The following DLG2 variants were observed in gnomAD, a reference collection of about 807,000 sequenced individuals.
DLG2 encodes disks large homolog 2.
DLG2 carries 45 observed loss-of-function variants against 132.5 expected under a neutral mutation model. That is an observed-to-expected ratio of 0.34 (90% CI 0.27 to 0.44). The LOEUF (loss-of-function observed/expected upper bound fraction) is 0.44, where lower values mean the gene tolerates loss of function less well. Among genes scored for constraint, DLG2 ranks in the 20% least tolerant of loss-of-function variants. DLG2 has a pLI of 1.00. For synonymous variants in DLG2, 424 were observed against 419.6 expected (o/e 1.01, Z -0.13); for missense variants, 1,045 against 1,196.9 (o/e 0.87, Z 1.87).
intron 25 of DLG2, among the ~76,000 whole-genome samples, chr11:83,468,269 G>A (rs867377480): frequency 7.2e-5 from 11 of 152,148 alleles, no homozygotes; most frequent in African/African-American, 1.4e-4. Flanking sequence ...GGTTCAAGCC[G>A]TTATTACTTA....
chr11:84,335,875 G>C (rs559201840), intron 7 of DLG2, among the ~76,000 whole-genome samples: 19 of 152,066 alleles, frequency 1.2e-4, no homozygotes, highest in African/African-American at 3.4e-4. Flanking sequence ...GGGTAATATC[G>C]ATGATGATTA....
chr11:84,628,865 T>C (rs2099627136), intron 6 of DLG2, among the ~76,000 whole-genome samples: 1 of 152,208 alleles, frequency 6.6e-6, no homozygotes, highest in Admixed American at 6.5e-5. Context: ...TAGTTGGTGA[T>C]CAATAATTGT....
At chr11:83,953,117 T>A (rs1055798696) in intron 14 of DLG2, among the ~76,000 whole-genome samples, 3 of 149,748 alleles carry the variant, frequency 2.0e-5, no homozygotes, top group Non-Finnish European at 4.4e-5. Context: ...CCAAAACTTA[T>A]GAAATTTATA....
At chr11:84,171,532 T>C (rs1330358345) in intron 8 of DLG2, among the ~76,000 whole-genome samples, 1 of 152,210 alleles carries the variant, frequency 6.6e-6, no homozygotes, top group African/African-American at 2.4e-5. Context: ...TCCAGTTTTA[T>C]CCTTACTGCT....
chr11:85,020,434 G>A (rs2059949999), intron 6 of DLG2, among the ~76,000 whole-genome samples: 1 of 152,122 alleles, frequency 6.6e-6, no homozygotes, highest in African/African-American at 2.4e-5. Context: ...TCTAATGGTG[G>A]TTTCTTTTGC....
intron 7 of DLG2, among the ~76,000 whole-genome samples, chr11:84,335,183 AGGAAGGGGAAG>A: frequency 6.8e-6 from 1 of 146,016 alleles, no homozygotes; most frequent in African/African-American, 2.5e-5. Context: ...AAAAAAAGGA[AGGAAGGGGAAG>A]GGAAGGGAAA....
intron 7 of DLG2, among the ~76,000 whole-genome samples, chr11:84,322,180 T>C (rs2154397323): frequency 6.6e-6 from 1 of 152,328 alleles, no homozygotes; most frequent in Middle Eastern, 3.4e-3. Context: ...ATAGGTATTC[T>C]GGTCTGTGTT....
At chr11:85,139,057 C>A (rs909945998) in intron 5 of DLG2, among the ~76,000 whole-genome samples, 1 of 152,038 alleles carries the variant, frequency 6.6e-6, no homozygotes, top group Non-Finnish European at 1.5e-5. Context: ...TCAGATGTTA[C>A]CACCTCAGCA....
chr11:84,645,902 A>T (rs1421577172), intron 6 of DLG2, among the ~76,000 whole-genome samples: 2 of 152,248 alleles, frequency 1.3e-5, no homozygotes, highest in African/African-American at 4.8e-5. Flanking sequence ...CTGGATGGAC[A>T]TAGGAAACCT....
intron 6 of DLG2, among the ~76,000 whole-genome samples, chr11:84,873,135 G>A (rs1206204074): frequency 6.6e-6 from 1 of 152,176 alleles, no homozygotes; most frequent in East Asian, 1.9e-4. Context: ...CTTAACATGG[G>A]AAGATTATCA....
chr11:84,557,903 T>G (rs1592309557), intron 6 of DLG2, among the ~76,000 whole-genome samples: 1 of 152,280 alleles, frequency 6.6e-6, no homozygotes, highest in Admixed American at 6.5e-5. Flanking sequence ...AAAGTAGTTG[T>G]ATTTTTGTCA....
intron 10 of DLG2, among the ~76,000 whole-genome samples, chr11:84,083,821 T>A (rs1393354621): frequency 6.6e-6 from 1 of 152,140 alleles, no homozygotes; most frequent in Non-Finnish European, 1.5e-5. Context: ...CAAAAATGAA[T>A]ATCTATTTAT....
intron 6 of DLG2, among the ~76,000 whole-genome samples, chr11:84,840,781 A>G (rs2080535306): frequency 6.6e-6 from 1 of 152,050 alleles, no homozygotes; most frequent in Admixed American, 6.6e-5. Context: ...CATAGCTGGG[A>G]ATTGAACAAT....
At chr11:84,084,856 A>T (rs1211752416) in intron 10 of DLG2, among the ~76,000 whole-genome samples, 2 of 151,794 alleles carry the variant, frequency 1.3e-5, no homozygotes, top group African/African-American at 4.8e-5. Context: ...ATGCCCCCTT[A>T]CTCTTGATGT....
intron 2 of DLG2, among the ~76,000 whole-genome samples, chr11:85,616,131 C>G (rs1186987534): frequency 6.6e-6 from 1 of 152,150 alleles, no homozygotes; most frequent in Non-Finnish European, 1.5e-5. Context: ...CAATCCTGGG[C>G]TCTCCTCTAC....
At chr11:85,353,148 A>T (rs571273849) in intron 3 of DLG2, among the ~76,000 whole-genome samples, 3 of 152,328 alleles carry the variant, frequency 2.0e-5, no homozygotes, top group East Asian at 1.9e-4. Flanking sequence ...CAAGAAAAAA[A>T]CAAACAACCC....
At chr11:84,902,260 C>A (rs1590947614) in intron 6 of DLG2, among the ~76,000 whole-genome samples, 1 of 152,098 alleles carries the variant, frequency 6.6e-6, no homozygotes, top group Non-Finnish European at 1.5e-5. Context: ...TTGGAACCTG[C>A]AAAACTAAGA....
chr11:85,286,128 AAACCAAAGTC>A (rs1342114666), intron 3 of DLG2: 1 of 454,450 alleles, frequency 2.2e-6, no homozygotes. Context: ...AGAGACTATA[AAACCAAAGTC>A]AAGGAAACTA....
In DLG2 at chr11:84,869,988, A is replaced by G. The variant is rs575071822; in HGVS notation, c.357+241673T>C. Among the ~76,000 whole-genome samples the G allele has an allele frequency of 7.2e-5, 11 of 152,356 alleles. 1 individual carries two copies. Among genetic ancestry groups the G allele is most frequent in the Admixed American group, 2.6e-4 (4 of 15,294 alleles). Reference sequence around the variant, plus strand: ...GTACATGTGTCAGCACAAAGATGGAAGGACTCAATTCCACTGGCTTCCTGG... The same window carrying G: ...GTACATGTGTCAGCACAAAGATGGAGGGACTCAATTCCACTGGCTTCCTGG... On this transcript the variant is annotated intron_variant, in intron 6 of 27. Coordinates refer to ENST00000376104, the MANE Select transcript of DLG2 (RefSeq NM_001142699.3).
Sources: allele counts gnomAD v4.1 joint callset (sites outside exome capture counted in the v4.1 genomes callset), GRCh38; gene constraint gnomAD v4.1.1; transcripts MANE v1.5; gene names NCBI Gene and HGNC (gene_info 2026-07-23, HGNC 2026-07-21).